ERC2: variants seen among roughly 807,000 people sequenced by gnomAD.
ERC2 encodes ELKS/RAB6-interacting/CAST family member 2.
Under a neutral mutation model 114.8 loss-of-function variants are expected in ERC2, and 42 were observed. The observed-to-expected ratio is 0.37, with a 90% CI of 0.29 to 0.47. ERC2 has a LOEUF of 0.47. Among genes scored for constraint, ERC2 ranks in the 20% least tolerant of loss-of-function variants. The pLI is 0.99. For synonymous variants in ERC2, 454 were observed against 425.5 expected, an observed-to-expected ratio of 1.07 and a Z score of -0.82; for missense variants, 939 against 1,150.7, an observed-to-expected ratio of 0.82 and a Z score of 2.66.
intron 8 of ERC2, among the ~76,000 whole-genome samples, chr3:56,016,710 T>C (rs531056731): frequency 6.6e-6 from 1 of 152,204 alleles, no homozygotes; most frequent in African/African-American, 2.4e-5. Flanking sequence ...AGGAAACCCA[T>C]GGGCATTTAA....
chr3:56,347,625 C>T (rs921088643), intron 2 of ERC2, among the ~76,000 whole-genome samples: 16 of 152,144 alleles, frequency 1.1e-4, no homozygotes, highest in African/African-American at 3.9e-4. Context: ...TACCAGACTT[C>T]AGAGATTCCA....
At chr3:56,438,544 A>T (rs1055708353) in intron 1 of ERC2, among the ~76,000 whole-genome samples, 9 of 151,144 alleles carry the variant, frequency 6.0e-5, no homozygotes, top group Admixed American at 5.9e-4. Context: ...GTAACATAAT[A>T]ATGATATATA....
At chr3:56,293,596 C>T (rs553908870) in intron 3 of ERC2, among the ~76,000 whole-genome samples, 31 of 152,346 alleles carry the variant, frequency 2.0e-4, no homozygotes, top group African/African-American at 6.5e-4. Context: ...TCAAGTTTAA[C>T]ATGAGTCTTT....
At chr3:55,695,649 C>T (rs1168721524) in intron 16 of ERC2, among the ~76,000 whole-genome samples, 1 of 152,078 alleles carries the variant, frequency 6.6e-6, no homozygotes, top group Non-Finnish European at 1.5e-5. Flanking sequence ...GAAGGTATCC[C>T]AGGAAATGAA....
intron 14 of ERC2, among the ~76,000 whole-genome samples, chr3:55,739,775 T>A (rs1229296757): frequency 1.3e-5 from 2 of 152,216 alleles, no homozygotes; most frequent in African/African-American, 4.8e-5. Context: ...ATCCCATTTG[T>A]CAATTTTGGC....
chr3:55,796,855 C>T (rs1329144768), intron 14 of ERC2, among the ~76,000 whole-genome samples: 2 of 152,166 alleles, frequency 1.3e-5, no homozygotes, highest in South Asian at 2.1e-4. Context: ...TAAGAAAAAG[C>T]TTGTCAACTC....
chr3:55,633,633 C>T (rs561613618), intron 17 of ERC2, among the ~76,000 whole-genome samples: 6 of 152,294 alleles, frequency 3.9e-5, no homozygotes, highest in African/African-American at 1.4e-4. Context: ...ATTAATTCAG[C>T]AAATACTTAT....
intron 6 of ERC2, among the ~76,000 whole-genome samples, chr3:56,118,738 G>A (rs1443345529): frequency 1.3e-5 from 2 of 149,688 alleles, no homozygotes; most frequent in East Asian, 2.0e-4. Flanking sequence ...CCGGGTTCAC[G>A]CCATTCTCCT....
At chr3:56,116,871 T>C (rs971451006) in intron 6 of ERC2, among the ~76,000 whole-genome samples, 5 of 152,184 alleles carry the variant, frequency 3.3e-5, no homozygotes, top group Non-Finnish European at 4.4e-5. Context: ...ATTTCTATTA[T>C]AAAAAATGTA....
intron 17 of ERC2, among the ~76,000 whole-genome samples, chr3:55,583,386 CT>C (rs1559692028): frequency 5.7e-4 from 74 of 130,290 alleles, no homozygotes; most frequent in African/African-American, 2.2e-3. Context: ...TTCCTTCTTT[CT>C]TTCCTTCCTT....
At chr3:55,908,582 G>A (rs1409741130) in intron 13 of ERC2, among the ~76,000 whole-genome samples, 1 of 152,160 alleles carries the variant, frequency 6.6e-6, no homozygotes, top group Non-Finnish European at 1.5e-5. Flanking sequence ...ATGCTGACAA[G>A]GAGAAGGAAG....
chr3:55,543,457 C>G (rs554125874), intron 17 of ERC2, among the ~76,000 whole-genome samples: 10 of 152,222 alleles, frequency 6.6e-5, no homozygotes, highest in Admixed American at 1.3e-4. Context: ...GTCACTGCAG[C>G]GCTCTCCCCA....
intron 14 of ERC2, among the ~76,000 whole-genome samples, chr3:55,793,211 G>A (rs1045123210): frequency 4.9e-4 from 74 of 152,222 alleles, no homozygotes; most frequent in African/African-American, 1.6e-3. Context: ...AATTTAATTC[G>A]TTCAAGGTAC....
intron 14 of ERC2, among the ~76,000 whole-genome samples, chr3:55,842,883 T>A (rs1232989488): frequency 6.6e-6 from 1 of 152,040 alleles, no homozygotes; most frequent in Non-Finnish European, 1.5e-5. Context: ...ATTAGTTCTA[T>A]GCAGAAGGAA....
intron 13 of ERC2, among the ~76,000 whole-genome samples, chr3:55,924,921 A>G (rs1436825812): frequency 2.6e-5 from 4 of 152,212 alleles, no homozygotes; most frequent in South Asian, 2.1e-4. Flanking sequence ...GTTTGGTTAT[A>G]GTATGCACTA....
intron 13 of ERC2, among the ~76,000 whole-genome samples, chr3:55,896,529 T>C (rs1559833638): frequency 6.6e-6 from 1 of 152,240 alleles, no homozygotes; most frequent in South Asian, 2.1e-4. Flanking sequence ...TAGAAGTACA[T>C]CTATTAGTAA....
intron 3 of ERC2, among the ~76,000 whole-genome samples, chr3:56,285,579 G>A (rs1363038071): frequency 2.0e-5 from 3 of 152,074 alleles, no homozygotes; most frequent in African/African-American, 7.2e-5. Flanking sequence ...TCAAACAGAT[G>A]CGAGAGATCT....
At chr3:55,546,450 G>C (rs530053844) in intron 17 of ERC2, among the ~76,000 whole-genome samples, 75 of 152,220 alleles carry the variant, frequency 4.9e-4, no homozygotes, top group African/African-American at 1.7e-3. Flanking sequence ...ATCATTTTCT[G>C]ACATGCAGCC....
intron 2 of ERC2, among the ~76,000 whole-genome samples, chr3:56,342,071 C>G (rs2058110312): frequency 6.6e-6 from 1 of 152,188 alleles, no homozygotes; most frequent in African/African-American, 2.4e-5. Context: ...CAGTGGCAAC[C>G]CTCCCACCCT....
Sources: gnomAD v4.1 joint callset for allele counts (sites outside exome capture counted in the v4.1 genomes callset) on GRCh38, gnomAD v4.1.1 for gene constraint, MANE v1.5 for transcripts, NCBI Gene and HGNC (gene_info 2026-07-23, HGNC 2026-07-21) for gene names.